The following MAD2L2 variants were observed in gnomAD, a reference collection of about 807,000 sequenced individuals.
The protein encoded by MAD2L2 is mitotic spindle assembly checkpoint protein MAD2B.
MAD2L2 carries 17 observed loss-of-function variants against 30.5 expected under a neutral mutation model. The observed-to-expected ratio is 0.56, with a 90% CI of 0.38 to 0.84. MAD2L2 has a LOEUF of 0.84. MAD2L2 is among the 40% of genes least tolerant of loss of function. The probability of loss-of-function intolerance (pLI) is 0.00; values close to 1 mark genes in which losing one functional copy is unlikely to be tolerated. For missense variants in MAD2L2, 213 were observed against 277.4 expected (o/e 0.77, Z 1.65); for synonymous variants, 101 against 113.9 (o/e 0.89, Z 0.72).
intron 1 of MAD2L2, chr1:11,691,386 G>C (rs1641062503): frequency 1.3e-5 from 2 of 152,116 alleles, no homozygotes; most frequent in African/African-American, 4.8e-5. Flanking sequence ...ACGCGCCCTG[G>C]GCCGCGCCGA....
chr1:11,677,103 G>A, intron 4 of MAD2L2, 155 bp from the exon 5 acceptor site: 1 of 676,792 alleles, frequency 1.5e-6, no homozygotes, highest in Non-Finnish European at 2.6e-6. Context: ...CAGATAGCGA[G>A]TTTGAGAAGC....
chr1:11,688,771 T>C lies in MAD2L2; in HGVS notation c.-692+2642A>G, dbSNP rs1570297601. 6.6e-6 allele frequency among the ~76,000 whole-genome samples: 1 copy of C among 152,246 alleles called. No homozygotes were observed. The highest frequency in any genetic ancestry group is 1.9e-4 in the East Asian group (1 of 5,168). The stretch of plus-strand genomic sequence containing the variant: ...GGACTTGCTGGGCCATATTCCCAGA[T>C]GGCTAAGGCATTCTAAGTCACAGTA... On this transcript the variant is annotated intron_variant, in intron 1 of 10. Transcript: ENST00000235310. The surrounding 1 kb of genome is among the most constrained non-coding windows in gnomAD (Gnocchi z 4.6).
In MAD2L2 at chr1:11,675,892, G is replaced by A. The variant is rs750071876; in HGVS notation, c.427+154C>T. The A allele has an allele frequency of 6.8e-6, 6 of 884,130 alleles. No individual in the cohort carries two copies. The Admixed American group carries it at 7.4e-5, about 11-fold the overall frequency. The allele number at this position is 884,130 out of a possible 1,614,324, so 54.8% of individuals were successfully genotyped here. ...CAGTCAATAGGGAGATGGAAGCCAG[G>A]TAGAATCAATCAGGGAAGCTTCCCA... On this transcript the variant is annotated intron_variant, in intron 6 of 8. Coordinates refer to ENST00000376692, the MANE Select transcript of MAD2L2 (RefSeq NM_006341.4).
chr1:11,682,416 G>T (rs750653310), upstream of MAD2L2, among the ~76,000 whole-genome samples: 1 of 152,044 alleles, frequency 6.6e-6, no homozygotes, highest in Non-Finnish European at 1.5e-5. Flanking sequence ...CTTGTTTATC[G>T]TTTACAGCTC....
intron 3 of MAD2L2, 59 bp downstream of exon 3, chr1:11,680,294 C>A (rs772073441): frequency 6.2e-6 from 9 of 1,443,288 alleles, no homozygotes; most frequent in Non-Finnish European, 8.6e-6. Context: ...CGGCGCCCGA[C>A]CAAAGAATTT....
At chr1:11,689,236 A>G (rs1468858097) in intron 1 of MAD2L2, among the ~76,000 whole-genome samples, 1 of 142,426 alleles carries the variant, frequency 7.0e-6, no homozygotes, top group Non-Finnish European at 1.5e-5. Context: ...CAGAAGTTGC[A>G]GTGAGCCGAG....
intron 3 of MAD2L2, among the ~76,000 whole-genome samples, chr1:11,678,762 C>A (rs1354637121): frequency 6.6e-6 from 1 of 152,192 alleles, no homozygotes; most frequent in African/African-American, 2.4e-5. Context: ...CAAATATCGC[C>A]AGCGGAAAAT....
chr1:11,675,581 C>T, intron 7 of MAD2L2, 77 bp downstream of exon 7: 1 of 1,419,156 alleles, frequency 7.0e-7, no homozygotes, highest in Non-Finnish European at 1.0e-6. Context: ...TGGCCACAGG[C>T]AGTGCCCCTG....
At position 11,690,929 on chromosome 1, in the gene MAD2L2, A is replaced by T. The variant is rs1557683864; in HGVS notation, c.-692+484T>A. The stretch of plus-strand genomic sequence containing the variant: ...CGTGGCGAGAGCCGCGCCGCGTGTG[A>T]GTGTGTGTGTGTGTGTGTTTGTGTG... On this transcript the variant is annotated intron_variant, in intron 1 of 10. Transcript: ENST00000235310. The surrounding 1 kb of genome is among the most constrained non-coding windows in gnomAD (Gnocchi z 4.2). Among the ~76,000 whole-genome samples, 5 of 150,652 alleles carry T rather than the reference A, an allele frequency of 3.3e-5. No homozygotes were observed. The highest frequency in any genetic ancestry group is 2.0e-4 in the East Asian group (1 of 5,074).
At position 11,674,961 on chromosome 1, in the gene MAD2L2, G is replaced by C; in HGVS notation, c.594+121C>G. On this transcript the variant is annotated intron_variant, in intron 8 of 8. Transcript: ENST00000376692. The surrounding 1 kb of genome is among the most constrained non-coding windows in gnomAD (Gnocchi z 6.1). ...TGGTGGAGAAGAGTAGAGATGGGAGGAGCCCTCCACCAGGCACTCCCCCGT... is the reference window on the plus strand; with the variant it reads ...TGGTGGAGAAGAGTAGAGATGGGAGCAGCCCTCCACCAGGCACTCCCCCGT... The C allele has an allele frequency of 7.9e-7, 1 of 1,268,790 alleles. No homozygotes were observed. Among genetic ancestry groups the C allele is most frequent in the Non-Finnish European group, 1.1e-6 (1 of 888,234 alleles). 78.6% of individuals were successfully genotyped at this position (1,268,790 alleles called of 1,614,324 possible). A position where few individuals can be genotyped will look rare whatever the true frequency, so the allele number is the denominator to read the frequency against.
chr1:11,683,605 T>C (rs1178514868), upstream of MAD2L2, among the ~76,000 whole-genome samples: 2 of 152,050 alleles, frequency 1.3e-5, no homozygotes. Flanking sequence ...GCTGAGGTGA[T>C]GGATGCACCA....
chr1:11,678,760 G>A (rs1640814358), intron 3 of MAD2L2, among the ~76,000 whole-genome samples: 1 of 152,118 alleles, frequency 6.6e-6, no homozygotes, highest in Non-Finnish European at 1.5e-5. Context: ...ATCAAATATC[G>A]CCAGCGGAAA....
chr1:11,677,085 C>A, intron 4 of MAD2L2, 137 bp from the exon 5 acceptor site: 1 of 715,992 alleles, frequency 1.4e-6, no homozygotes, highest in Non-Finnish European at 2.4e-6. Context: ...TGGGGGTCCC[C>A]AAGAGGCCAG....
At chr1:11,677,828 G>A (rs546089375) in intron 3 of MAD2L2, among the ~76,000 whole-genome samples, 1 of 152,274 alleles carries the variant, frequency 6.6e-6, no homozygotes, top group South Asian at 2.1e-4. Context: ...GGGAGGCCGA[G>A]GCAGGTGGAT....
chr1:11,677,705 C>T (rs1557678964), intron 3 of MAD2L2, 91 bp from the exon 4 acceptor site: 5 of 1,035,194 alleles, frequency 4.8e-6, no homozygotes, highest in Non-Finnish European at 5.8e-6. Flanking sequence ...CATCTGCCTT[C>T]GGTCCGAGGC....
intron 4 of MAD2L2, chr1:11,677,158 G>C (rs1217020214): frequency 1.6e-6 from 1 of 618,038 alleles, no homozygotes; most frequent in Non-Finnish European, 2.9e-6. Context: ...GAATGCCCGG[G>C]CCCCATAGGG....
upstream of MAD2L2, among the ~76,000 whole-genome samples, chr1:11,682,217 T>C (rs1432502263): frequency 6.6e-6 from 1 of 152,168 alleles, no homozygotes; most frequent in Non-Finnish European, 1.5e-5. Flanking sequence ...ATGCCTCTTC[T>C]GACACCAGGG....
rs150232896 is a variant in MAD2L2, at chr1:11,687,967, G to A, written c.-692+3446C>T. Among the ~76,000 whole-genome samples, 47 of 152,252 alleles carry A rather than the reference G, an allele frequency of 3.1e-4. No homozygotes were observed. Among genetic ancestry groups the A allele is most frequent in the African/African-American group, 1.1e-3 (46 of 41,546 alleles). On this transcript the variant is annotated intron_variant, in intron 1 of 10. Transcript: ENST00000235310. The surrounding 1 kb of genome is among the most constrained non-coding windows in gnomAD (Gnocchi z 4.1). ...TCATCATAAACTGGATGGGATAGGA[G>A]TCCAGGCCTCTCCTAACATCCACCT...
intron 3 of MAD2L2, 109 bp downstream of exon 3, chr1:11,680,244 C>T: frequency 1.2e-6 from 1 of 859,120 alleles, no homozygotes; most frequent in East Asian, 2.6e-5. Flanking sequence ...GATCCGCCCG[C>T]CTCGGCCTCC....
Sources: gnomAD v4.1 joint callset for allele counts (sites outside exome capture counted in the v4.1 genomes callset) on GRCh38, gnomAD v4.1.1 for gene constraint, Gnocchi (gnomAD v3.1) non-coding constraint, MANE v1.5 for transcripts, NCBI Gene and HGNC (gene_info 2026-07-23, HGNC 2026-07-21) for gene names.